PIK3C2G: variants seen among roughly 807,000 people sequenced by gnomAD.
PIK3C2G encodes the protein phosphatidylinositol-4-phosphate 3-kinase catalytic subunit type 2 gamma.
PIK3C2G carries 168 observed loss-of-function variants against 181.1 expected under a neutral mutation model. The observed-to-expected ratio is 0.93, with a 90% CI of 0.82 to 1.05. PIK3C2G has a LOEUF of 1.05. Ranked by LOEUF, PIK3C2G falls within the 50% of genes least tolerant of loss-of-function variation. The pLI is 0.00. For missense variants in PIK3C2G, 1,869 were observed against 1,732.8 expected, an observed-to-expected ratio of 1.08 and a Z score of -1.40; for synonymous variants, 573 against 592.2, an observed-to-expected ratio of 0.97 and a Z score of 0.47.
At chr12:18,448,307 A>G (rs899802573) in intron 18 of PIK3C2G, among the ~76,000 whole-genome samples, 1 of 152,210 alleles carries the variant, frequency 6.6e-6, no homozygotes, top group Admixed American at 6.5e-5. Context: ...TGTTTAATAT[A>G]CACACAATGA....
chr12:18,608,358 C>A (rs1333998069), intron 30 of PIK3C2G, among the ~76,000 whole-genome samples: 5 of 151,972 alleles, frequency 3.3e-5, no homozygotes, highest in African/African-American at 1.2e-4. Flanking sequence ...ACATATACAC[C>A]ATGGAATACT....
intron 26 of PIK3C2G, among the ~76,000 whole-genome samples, chr12:18,555,216 C>T (rs1192322387): frequency 6.6e-6 from 1 of 152,136 alleles, no homozygotes; most frequent in Admixed American, 6.6e-5. Context: ...TAGAAATCTC[C>T]ATCAGGTGTT....
intron 14 of PIK3C2G, among the ~76,000 whole-genome samples, chr12:18,382,670 C>T (rs138253793): frequency 1.3e-5 from 2 of 152,294 alleles, no homozygotes; most frequent in African/African-American, 4.8e-5. Flanking sequence ...TGTTTAGCAA[C>T]ATCCCCGGCT....
chr12:18,507,778 A>G (rs549065401), intron 24 of PIK3C2G, among the ~76,000 whole-genome samples: 191 of 152,314 alleles, frequency 1.3e-3, no homozygotes, highest in African/African-American at 4.3e-3. Flanking sequence ...ATGAAAAAAG[A>G]TATTTCAGCT....
chr12:18,398,489 A>AT (rs1398426383), intron 15 of PIK3C2G, among the ~76,000 whole-genome samples: 3 of 152,276 alleles, frequency 2.0e-5, no homozygotes, highest in Admixed American at 6.5e-5. Context: ...CCTTTAAAAG[A>AT]TTTTTTTATG....
chr12:18,473,221 A>G (rs1339839490), intron 18 of PIK3C2G, among the ~76,000 whole-genome samples: 2 of 152,142 alleles, frequency 1.3e-5, no homozygotes, highest in Non-Finnish European at 2.9e-5. Flanking sequence ...TCTAAACTAG[A>G]TTATTTCCAT....
intron 18 of PIK3C2G, among the ~76,000 whole-genome samples, chr12:18,428,563 A>T (rs968518040): frequency 6.6e-6 from 1 of 151,998 alleles, no homozygotes; most frequent in African/African-American, 2.4e-5. Flanking sequence ...CACAACTTCC[A>T]CCTGTCACTA....
Position 18,563,339 on chromosome 12 carries a change from T to C in PIK3C2G, c.3781-38T>C, listed in dbSNP as rs201908309. On this transcript the variant is annotated intron_variant, in intron 27 of 32. Transcript: ENST00000538779. ...TTTTAGAGTGTATCACAGGCTGATATTGCCATCTTTTGATTTCTATCTATT... is the reference window on the plus strand; with the variant it reads ...TTTTAGAGTGTATCACAGGCTGATACTGCCATCTTTTGATTTCTATCTATT... 11 of 1,572,120 alleles carry C rather than the reference T, an allele frequency of 7.0e-6. No homozygotes were observed. In the African/African-American group the frequency reaches 1.3e-4, roughly 19 times the overall value.
rs1454460708 is a variant in PIK3C2G, at chr12:18,455,273, A to G, written c.2504+31234A>G. 2.0e-5 allele frequency among the ~76,000 whole-genome samples: 3 copies of G among 152,076 alleles called. No individual in the cohort carries two copies. The South Asian group carries it at 6.2e-4, about 32-fold the overall frequency. On this transcript the variant is annotated intron_variant, in intron 18 of 32. Transcript: ENST00000538779. ...GGCAAGAGTTTTACACAAAGACATG[A>G]ACACCAGTAGGTGGGATCATTGGGA...
chr12:18,267,684 A>T (rs912714269), intron 1 of PIK3C2G, among the ~76,000 whole-genome samples: 2 of 152,200 alleles, frequency 1.3e-5, no homozygotes, highest in African/African-American at 4.8e-5. Flanking sequence ...GGTCACTAGC[A>T]GTCACTTAAT....
rs1451184011 is a variant in PIK3C2G, at chr12:18,648,178, T to C, written c.*150T>C. 18 of 325,216 alleles carry C rather than the reference T, an allele frequency of 5.5e-5. No homozygotes were observed. Among genetic ancestry groups the C allele is most frequent in the Non-Finnish European group, 5.4e-6 (1 of 186,314 alleles). The allele number at this position is 325,216 out of a possible 1,614,324, so 20.1% of individuals were successfully genotyped here. On this transcript the variant is annotated 3_prime_UTR_variant, in exon 33 of 33. Transcript: ENST00000538779. ...AAAAAATCAGAATTAGTCTTTTGTGTTGTTTATTTTCTACCTGTGCTTTCA... is the reference window on the plus strand; with the variant it reads ...AAAAAATCAGAATTAGTCTTTTGTGCTGTTTATTTTCTACCTGTGCTTTCA...
At chr12:18,358,887 C>T (rs1940986288) in intron 11 of PIK3C2G, 1 of 172,254 alleles carries the variant, frequency 5.8e-6, no homozygotes, top group Non-Finnish European at 1.2e-5. Context: ...GTTCCTCAGG[C>T]TCTTCCTCAT....
chr12:18,420,686 A>G (rs1565702555), intron 16 of PIK3C2G, among the ~76,000 whole-genome samples: 1 of 152,128 alleles, frequency 6.6e-6, no homozygotes, highest in Non-Finnish European at 1.5e-5. Context: ...TTTATAGATA[A>G]GAAAGCCGGC....
upstream of PIK3C2G, among the ~76,000 whole-genome samples, chr12:18,256,972 C>G (rs1336743662): frequency 3.3e-5 from 5 of 151,948 alleles, no homozygotes; most frequent in Non-Finnish European, 7.4e-5. Flanking sequence ...TTGTTGTTGG[C>G]AGGACAACTC....
intron 25 of PIK3C2G, among the ~76,000 whole-genome samples, chr12:18,544,814 A>G (rs1023977043): frequency 1.3e-5 from 2 of 151,888 alleles, no homozygotes; most frequent in African/African-American, 2.4e-5. Context: ...TATCATTTAT[A>G]TGCTAATGAC....
At chr12:18,514,935 A>G (rs995089395) in intron 24 of PIK3C2G, among the ~76,000 whole-genome samples, 1 of 151,870 alleles carries the variant, frequency 6.6e-6, no homozygotes, top group Non-Finnish European at 1.5e-5. Flanking sequence ...ATTTGTTGAG[A>G]GTTTTTATCA....
chr12:18,367,606 G>C (rs915455301), intron 12 of PIK3C2G, among the ~76,000 whole-genome samples: 11 of 152,084 alleles, frequency 7.2e-5, no homozygotes, highest in African/African-American at 2.7e-4. Context: ...CCAGGCTAGA[G>C]TGCAATGGTG....
chr12:18,438,792 T>C (rs990141331), intron 18 of PIK3C2G, among the ~76,000 whole-genome samples: 6 of 152,028 alleles, frequency 3.9e-5, no homozygotes, highest in Admixed American at 3.9e-4. Context: ...TCTCCTAAGC[T>C]GGGTAGCCCT....
the PIK3C2G span, among the ~76,000 whole-genome samples, chr12:18,662,590 C>G: frequency 6.6e-6 from 1 of 152,046 alleles, no homozygotes; most frequent in African/African-American, 2.4e-5. Flanking sequence ...TAACTTTGGT[C>G]TGCAGCTATA....
Sources: allele counts gnomAD v4.1 joint callset (sites outside exome capture counted in the v4.1 genomes callset), GRCh38; gene constraint gnomAD v4.1.1; transcripts MANE v1.5; gene names NCBI Gene and HGNC (gene_info 2026-07-23, HGNC 2026-07-21).